Variants in PRKAR1B observed in about 807,000 individuals in gnomAD.
The protein encoded by PRKAR1B is protein kinase cAMP-dependent type I regulatory subunit beta.
A neutral mutation model predicts 46.5 loss-of-function variants in PRKAR1B; 22 were observed. The observed-to-expected ratio is 0.47, with a 90% CI of 0.34 to 0.68. The LOEUF (loss-of-function observed/expected upper bound fraction) is 0.68, where lower values mean the gene tolerates loss of function less well. Among genes scored for constraint, PRKAR1B ranks in the 30% least tolerant of loss-of-function variants. The pLI is 0.01. For missense variants in PRKAR1B, 445 were observed against 535.6 expected, an observed-to-expected ratio of 0.83 and a Z score of 1.67; for synonymous variants, 259 against 217.7, an observed-to-expected ratio of 1.19 and a Z score of -1.67.
intron 9 of PRKAR1B, among the ~76,000 whole-genome samples, chr7:577,816 G>A (rs1045827074): frequency 6.6e-6 from 1 of 152,242 alleles, no homozygotes; most frequent in Non-Finnish European, 1.5e-5. Flanking sequence ...GGGCCAGCAG[G>A]AGGTGGAATG....
Position 596,299 on chromosome 7 carries a change from G to A in PRKAR1B, c.555C>T (p.Tyr185=), listed in dbSNP as rs756315463. The A allele has an allele frequency of 3.4e-5, 54 of 1,611,900 alleles. No individual in the cohort carries two copies. In the East Asian group the frequency reaches 8.0e-4, roughly 24 times the overall value. ...TGTTGGTCACCCACTCTCCGTTCAC[G>A]TACACCTTTGGGGAGCAAGAGAGAG... The part of the protein sequence containing the change: ...YVVDQGEVDV[Y]VNGEWVTNIS... Residue 185 remains tyrosine (Y), a synonymous_variant, in exon 7 of 11, where the codon TAC becomes TAT. Transcript: ENST00000537384.
chr7:702,200 T>C (rs1380294870), intron 2 of PRKAR1B, among the ~76,000 whole-genome samples: 1 of 151,884 alleles, frequency 6.6e-6, no homozygotes, highest in African/African-American at 2.4e-5. Context: ...TATGTATGTA[T>C]ATTATAATGC....
At chr7:620,497 CTTTT>C (rs906691614) in intron 4 of PRKAR1B, among the ~76,000 whole-genome samples, 1 of 152,044 alleles carries the variant, frequency 6.6e-6, no homozygotes, top group East Asian at 1.9e-4. Context: ...CCCTTGGGCT[CTTTT>C]TTTTCTCTCT....
chr7:615,848 C>CAAGA (rs1370457186), intron 4 of PRKAR1B, among the ~76,000 whole-genome samples: 1 of 75,468 alleles, frequency 1.3e-5, no homozygotes, highest in African/African-American at 5.0e-5. Context: ...AAAAAGAAAG[C>CAAGA]AAGAAAGGAA....
chr7:708,243 T>A (rs1780435855), intron 2 of PRKAR1B, among the ~76,000 whole-genome samples: 1 of 152,062 alleles, frequency 6.6e-6, no homozygotes, highest in Admixed American at 6.5e-5. Flanking sequence ...GATCTCCTTC[T>A]CCCACACAGA....
chr7:675,468 G>A (rs1196040159), intron 4 of PRKAR1B, among the ~76,000 whole-genome samples: 3 of 152,150 alleles, frequency 2.0e-5, no homozygotes, highest in Admixed American at 1.3e-4. Context: ...TTTTATATAG[G>A]ACTAGTATCA....
At position 596,287 on chromosome 7, in the gene PRKAR1B, C is replaced by G. The variant is rs1781261764; in HGVS notation, c.567G>C (p.Glu189Asp). Residue 189 changes from glutamate (E) to aspartate (D), a missense_variant, in exon 7 of 11, where the codon GAG becomes GAC. Physicochemically the swap from Glu to Asp is conservative, Grantham distance 45 (BLOSUM62 2). Around this residue, in one of 5 missense-constraint regions of PRKAR1B, gnomAD observed 18 missense variants for 58.1 expected, o/e 0.31. Transcript: ENST00000537384. ...QGEVDVYVNG[E>D]WVTNISEGGS... ...CTCCCTCGCTGATGTTGGTCACCCA[C>G]TCTCCGTTCACGTACACCTTTGGGG... The G allele has an allele frequency of 6.2e-7, 1 of 1,613,192 alleles. No individual in the cohort carries two copies. Among genetic ancestry groups the G allele is most frequent in the Non-Finnish European group, 8.5e-7 (1 of 1,179,526 alleles).
chr7:587,520 CCTAT>C (rs1250101693), intron 7 of PRKAR1B, among the ~76,000 whole-genome samples: 11 of 152,228 alleles, frequency 7.2e-5, no homozygotes, highest in African/African-American at 1.7e-4. Flanking sequence ...TGCCCCCTCT[CCTAT>C]CTCTCAATGC....
At chr7:651,075 G>C (rs954012409) in intron 4 of PRKAR1B, among the ~76,000 whole-genome samples, 3 of 152,238 alleles carry the variant, frequency 2.0e-5, no homozygotes, top group African/African-American at 7.2e-5. Flanking sequence ...TCCTGCTTTG[G>C]TGCTGAAACT....
In PRKAR1B at chr7:550,618, A is replaced by G. The variant is rs1330097715; in HGVS notation, c.974-16T>C. The G allele has an allele frequency of 6.5e-7, 1 of 1,541,132 alleles. No individual in the cohort carries two copies. Among genetic ancestry groups the G allele is most frequent in the Non-Finnish European group, 8.7e-7 (1 of 1,148,914 alleles). On this transcript the variant is annotated splice_polypyrimidine_tract_variant and intron_variant, in intron 10 of 10. Coordinates refer to ENST00000537384, the MANE Select transcript of PRKAR1B (RefSeq NM_001164760.2). ...GCAATCTCCCCTGGGGGTTGAAGAGAGAGGTCAGGGCTGGGCCTGGGGGTC... is the reference window on the plus strand; with the variant it reads ...GCAATCTCCCCTGGGGGTTGAAGAGGGAGGTCAGGGCTGGGCCTGGGGGTC...
chr7:654,198 CTATCACCATCAT>C (rs1785061580), intron 4 of PRKAR1B, among the ~76,000 whole-genome samples: 2 of 149,652 alleles, frequency 1.3e-5, no homozygotes, highest in African/African-American at 2.5e-5. Flanking sequence ...ATCTTCACCA[CTATCACCATCAT>C]TATCACCATC....
intron 2 of PRKAR1B, among the ~76,000 whole-genome samples, chr7:702,188 G>C (rs1780096849): frequency 6.6e-6 from 1 of 151,824 alleles, no homozygotes; most frequent in Non-Finnish European, 1.5e-5. Flanking sequence ...TCTGTGTAAA[G>C]TTATGTATGT....
chr7:624,978 T>G (rs1054324368), intron 4 of PRKAR1B, among the ~76,000 whole-genome samples: 2 of 152,214 alleles, frequency 1.3e-5, no homozygotes, highest in African/African-American at 4.8e-5. Flanking sequence ...CAAGCTCACA[T>G]GAAACATTTA....
intron 6 of PRKAR1B, among the ~76,000 whole-genome samples, chr7:597,485 A>C (rs141385150): frequency 0.012 from 1,896 of 152,258 alleles, 26 homozygotes; most frequent in East Asian, 0.032. Context: ...GGGAGGCTGG[A>C]GCAGGATTAC....
chr7:694,496 G>C (rs1288197516), intron 2 of PRKAR1B, among the ~76,000 whole-genome samples: 1 of 152,058 alleles, frequency 6.6e-6, no homozygotes, highest in Non-Finnish European at 1.5e-5. Context: ...AGAAGGATGT[G>C]GGGCCTCCTT....
Position 602,512 on chromosome 7 carries a change from T to C in PRKAR1B, c.549+3681A>G, listed in dbSNP as rs905951382. 2 of 169,222 alleles carry C rather than the reference T, an allele frequency of 1.2e-5. No homozygotes were observed. Among genetic ancestry groups the C allele is most frequent in the African/African-American group, 4.8e-5 (2 of 41,496 alleles). 10.5% of individuals were successfully genotyped at this position (169,222 alleles called of 1,614,324 possible). A position where few individuals can be genotyped will look rare whatever the true frequency, so the allele number is the denominator to read the frequency against. Reference sequence around the variant, plus strand: ...CAACGGCGGAAAGACAGGGACCTGATCCCTCCAGCAGTCCCAGCCGCCGGC... The same window carrying C: ...CAACGGCGGAAAGACAGGGACCTGACCCCTCCAGCAGTCCCAGCCGCCGGC... On this transcript the variant is annotated intron_variant, in intron 6 of 10. Coordinates refer to ENST00000537384, the MANE Select transcript of PRKAR1B (RefSeq NM_001164760.2). This position sits in a 1 kb window ranked among gnomAD's most constrained non-coding sequence, Gnocchi z 6.4.
intron 4 of PRKAR1B, among the ~76,000 whole-genome samples, chr7:661,526 C>T (rs1261293731): frequency 2.4e-5 from 2 of 84,808 alleles, no homozygotes; most frequent in Non-Finnish European, 2.4e-5. Context: ...AGGTCCCCAC[C>T]CCAACAGATC....
At chr7:589,790 A>G (rs1282937200) in intron 7 of PRKAR1B, among the ~76,000 whole-genome samples, 2 of 152,254 alleles carry the variant, frequency 1.3e-5, no homozygotes, top group African/African-American at 4.8e-5. Context: ...TACCGTGTGC[A>G]CGGCACCACG....
At chr7:711,153 G>T (rs6964358) in intron 2 of PRKAR1B, among the ~76,000 whole-genome samples, 176 bp downstream of exon 2, 68,740 of 151,806 alleles carry the variant, frequency 0.45, 15,821 homozygotes, top group Non-Finnish European at 0.47. Context: ...AACAAGGGAC[G>T]GTGGGCCCCA....
Sources: allele counts gnomAD v4.1 joint callset (sites outside exome capture counted in the v4.1 genomes callset), GRCh38; gene constraint gnomAD v4.1.1; regional missense constraint gnomAD v4.1.1; non-coding constraint Gnocchi (gnomAD v3.1); transcripts MANE v1.5; gene names NCBI Gene and HGNC (gene_info 2026-07-23, HGNC 2026-07-21).